The following GRID1 variants were observed in gnomAD, a reference collection of about 807,000 sequenced individuals.
GRID1 encodes the protein glutamate ionotropic receptor delta type subunit 1.
In GRID1, 28 loss-of-function variants were observed where a neutral mutation model predicts 98.0. The ratio of observed to expected loss-of-function variants is 0.29; its 90% CI spans 0.21 to 0.39. The LOEUF (loss-of-function observed/expected upper bound fraction) is 0.39, where lower values mean the gene tolerates loss of function less well. Among genes scored for constraint, GRID1 ranks in the 10% least tolerant of loss-of-function variants. The pLI is 1.00. For missense variants in GRID1, 1,111 were observed against 1,340.5 expected, an observed-to-expected ratio of 0.83 and a Z score of 2.67; for synonymous variants, 553 against 538.5, an observed-to-expected ratio of 1.03 and a Z score of -0.37.
chr10:86,074,769 T>C (rs1843857030), intron 4 of GRID1, among the ~76,000 whole-genome samples: 1 of 152,202 alleles, frequency 6.6e-6, no homozygotes, highest in Non-Finnish European at 1.5e-5. Context: ...GAATGTGTTA[T>C]TAAAATTTGG....
chr10:85,773,187 G>A (rs1842291350), intron 8 of GRID1, among the ~76,000 whole-genome samples: 1 of 152,118 alleles, frequency 6.6e-6, no homozygotes, highest in African/African-American at 2.4e-5. Context: ...ATCAATAAAT[G>A]TAATCCAGCA....
At chr10:85,844,862 T>C (rs1253726471) in intron 8 of GRID1, among the ~76,000 whole-genome samples, 1 of 152,082 alleles carries the variant, frequency 6.6e-6, no homozygotes, top group African/African-American at 2.4e-5. Context: ...ATTATCTTGA[T>C]AGATGCAAAA....
chr10:85,719,192 C>A (rs1472097961), intron 12 of GRID1, among the ~76,000 whole-genome samples: 2 of 152,212 alleles, frequency 1.3e-5, no homozygotes, highest in Non-Finnish European at 2.9e-5. Context: ...TTGTTTGTTT[C>A]ACTATCAGCA....
At chr10:85,803,265 G>A (rs1842593798) in intron 8 of GRID1, among the ~76,000 whole-genome samples, 1 of 152,062 alleles carries the variant, frequency 6.6e-6, no homozygotes, top group African/African-American at 2.4e-5. Flanking sequence ...AAAGATAAAT[G>A]TTTGAGAGGA....
intron 4 of GRID1, among the ~76,000 whole-genome samples, chr10:86,004,971 G>GT (rs1842843684): frequency 6.6e-6 from 1 of 152,070 alleles, no homozygotes; most frequent in African/African-American, 2.4e-5. Context: ...TTTATAAGGA[G>GT]TAAGACTGAG....
chr10:86,347,338 A>G (rs1848399291), intron 2 of GRID1, among the ~76,000 whole-genome samples: 1 of 152,002 alleles, frequency 6.6e-6, no homozygotes, highest in Non-Finnish European at 1.5e-5. Flanking sequence ...TTCCTCTCCA[A>G]GTGACCCCAC....
At chr10:86,101,206 AGAG>A (rs1844291102) in intron 4 of GRID1, among the ~76,000 whole-genome samples, 1 of 152,342 alleles carries the variant, frequency 6.6e-6, no homozygotes, top group Admixed American at 6.5e-5. Flanking sequence ...GACATCAAAG[AGAG>A]GATGAATCAG....
chr10:86,134,305 G>T (rs1209725214), intron 4 of GRID1, among the ~76,000 whole-genome samples: 2 of 152,222 alleles, frequency 1.3e-5, no homozygotes, highest in Non-Finnish European at 2.9e-5. Context: ...CTCCCAATTG[G>T]TACTTGCTGG....
intron 4 of GRID1, among the ~76,000 whole-genome samples, chr10:86,097,094 G>A (rs1228644529): frequency 2.6e-5 from 4 of 152,156 alleles, no homozygotes; most frequent in African/African-American, 4.8e-5. Flanking sequence ...TCAGGCCTTT[G>A]GCCTTAAAGT....
chr10:86,357,954 G>C (rs1055788895), intron 2 of GRID1, among the ~76,000 whole-genome samples: 7 of 152,166 alleles, frequency 4.6e-5, no homozygotes, highest in Non-Finnish European at 1.5e-5. Context: ...TAGACGGTGA[G>C]GTTCTGAAGA....
chr10:85,812,280 T>C (rs2131745098), intron 8 of GRID1, among the ~76,000 whole-genome samples: 1 of 151,898 alleles, frequency 6.6e-6, no homozygotes, highest in East Asian at 1.9e-4. Context: ...TTAGAACAGA[T>C]ACACAAAGGA....
At chr10:85,625,525 T>A (rs2132528593) in intron 13 of GRID1, among the ~76,000 whole-genome samples, 1 of 152,254 alleles carries the variant, frequency 6.6e-6, no homozygotes, top group Admixed American at 6.5e-5. Flanking sequence ...AGGAAGAATA[T>A]CTTGGCATGA....
chr10:85,652,715 C>T (rs1840838976), intron 12 of GRID1, among the ~76,000 whole-genome samples: 2 of 152,176 alleles, frequency 1.3e-5, no homozygotes, highest in South Asian at 2.1e-4. Context: ...CCATGACCCA[C>T]CCTGCTGCAC....
At chr10:85,715,406 A>C (rs1350645921) in intron 12 of GRID1, among the ~76,000 whole-genome samples, 2 of 152,308 alleles carry the variant, frequency 1.3e-5, no homozygotes, top group Non-Finnish European at 2.9e-5. Context: ...AATCCTACAC[A>C]TAGCAAAGTA....
chr10:85,774,132 G>A (rs1320357597), intron 8 of GRID1, among the ~76,000 whole-genome samples: 2 of 152,176 alleles, frequency 1.3e-5, no homozygotes, highest in South Asian at 2.1e-4. Context: ...CAGAGATAGC[G>A]ATCAATGGAA....
At chr10:86,236,692 G>A (rs1184020721) in intron 2 of GRID1, among the ~76,000 whole-genome samples, 1 of 152,212 alleles carries the variant, frequency 6.6e-6, no homozygotes, top group East Asian at 1.9e-4. Context: ...CGGGAGCACT[G>A]AGAATGGAGC....
At chr10:86,321,233 C>G (rs192871507) in intron 2 of GRID1, among the ~76,000 whole-genome samples, 117 of 151,700 alleles carry the variant, frequency 7.7e-4, no homozygotes, top group African/African-American at 2.7e-3. Context: ...ATTTTAATGA[C>G]CCAGGAAATA....
At chr10:85,736,573 C>G (rs987618382) in intron 8 of GRID1, among the ~76,000 whole-genome samples, 5 of 152,170 alleles carry the variant, frequency 3.3e-5, no homozygotes, top group African/African-American at 7.2e-5. Context: ...CAGATGGCCC[C>G]AGCCTCAATG....
intron 10 of GRID1, among the ~76,000 whole-genome samples, chr10:85,725,990 G>A (rs750763192): frequency 6.6e-6 from 1 of 152,164 alleles, no homozygotes; most frequent in Non-Finnish European, 1.5e-5. Context: ...AGCAGGATAG[G>A]CTTACAAGAC....
Sources: gnomAD v4.1 joint callset for allele counts (sites outside exome capture counted in the v4.1 genomes callset) on GRCh38, gnomAD v4.1.1 for gene constraint, MANE v1.5 for transcripts, NCBI Gene and HGNC (gene_info 2026-07-23, HGNC 2026-07-21) for gene names.